Variants in NECTIN1 observed in about 807,000 individuals in gnomAD.
The protein encoded by NECTIN1 is nectin-1.
NECTIN1 carries 23 observed loss-of-function variants against 48.0 expected under a neutral mutation model. That is an observed-to-expected ratio of 0.48 (90% CI 0.34 to 0.68). The LOEUF is 0.68. Ranked by LOEUF, NECTIN1 falls within the 30% of genes least tolerant of loss-of-function variation. NECTIN1 has a pLI of 0.01. For missense variants in NECTIN1, 591 were observed against 709.9 expected (o/e 0.83, Z 1.90); for synonymous variants, 270 against 288.9 (o/e 0.93, Z 0.66).
At position 119,664,850 on chromosome 11, in the gene NECTIN1, C is replaced by G. The variant is rs767573357; in HGVS notation, c.1451G>C (p.Arg484Pro). 2 of 1,613,784 alleles carry G rather than the reference C, an allele frequency of 1.2e-6. No individual in the cohort carries two copies. The highest frequency in any genetic ancestry group is 2.7e-5 in the African/African-American group (2 of 74,900). Residue 484 changes from arginine to proline, a missense_variant, in exon 6 of 6, where the codon CGG (arginine) becomes CCG (proline). Coordinates refer to ENST00000264025, the MANE Select transcript of NECTIN1 (RefSeq NM_002855.5). Reference sequence around the variant, plus strand: ...AGGGTCGTACTGGTAGCCCAGAGTCCGGTCCCCGTAGCCGTCCTGACGGGC... The same window carrying G: ...AGGGTCGTACTGGTAGCCCAGAGTCGGGTCCCCGTAGCCGTCCTGACGGGC... Reference protein sequence around the residue: ...AEARQDGYGDRTLGYQYDPEQ... With the variant: ...AEARQDGYGDPTLGYQYDPEQ...
intron 1 of NECTIN1, among the ~76,000 whole-genome samples, chr11:119,694,989 C>T (rs1169166711): frequency 6.6e-6 from 1 of 152,132 alleles, no homozygotes; most frequent in East Asian, 1.9e-4. Context: ...TGCAACTCCA[C>T]AGGGAGGTGA....
In NECTIN1 at chr11:119,672,868, C is replaced by T. The variant is rs971679275; in HGVS notation, c.1003+2291G>A. On this transcript the variant is annotated intron_variant, in intron 5 of 5. Transcript: ENST00000264025. This position sits in a 1 kb window ranked among gnomAD's most constrained non-coding sequence, Gnocchi z 4.3. Reference sequence around the variant, plus strand: ...AGGTCCCCAAGAAGCCATGCCAAAGCGAGTCTGCGCAGGTGTGCAGTGGCC... The same window carrying T: ...AGGTCCCCAAGAAGCCATGCCAAAGTGAGTCTGCGCAGGTGTGCAGTGGCC... 2.0e-5 allele frequency among the ~76,000 whole-genome samples: 3 copies of T among 152,310 alleles called. No homozygotes were observed. Among genetic ancestry groups the T allele is most frequent in the East Asian group, 3.9e-4 (2 of 5,180 alleles).
chr11:119,708,052 G>C (rs544982182), intron 1 of NECTIN1, among the ~76,000 whole-genome samples: 2 of 152,358 alleles, frequency 1.3e-5, no homozygotes, highest in Non-Finnish European at 2.9e-5. Flanking sequence ...GATAAACGCA[G>C]TTTTTGTTTG....
intron 1 of NECTIN1, among the ~76,000 whole-genome samples, chr11:119,714,531 C>G (rs1024856330): frequency 6.6e-6 from 1 of 152,134 alleles, no homozygotes; most frequent in Admixed American, 6.5e-5. Context: ...CCCAGCCCAC[C>G]GCAGGGTGAA....
rs868656809 is a variant in NECTIN1, at chr11:119,728,407, G to A, written c.79+68C>T. The stretch of plus-strand genomic sequence containing the variant: ...CACTCCCCACAATCCAGTCGTGCCC[G>A]CCATCCGGCTCCCAGCCCCGGGGAG... On this transcript the variant is annotated intron_variant, in intron 1 of 5. Transcript: ENST00000264025. The A allele has an allele frequency of 2.1e-6, 3 of 1,446,362 alleles. No individual in the cohort carries two copies. In the South Asian group the frequency reaches 3.8e-5, roughly 18 times the overall value. The allele number at this position is 1,446,362 out of a possible 1,614,324, so 89.6% of individuals were successfully genotyped here.
In NECTIN1 at chr11:119,664,831, G is replaced by A. The variant is rs367609829; in HGVS notation, c.1470C>T (p.Tyr490=). Reference sequence around the variant, plus strand: ...CAGCCAAGTCCAGCTGCTCAGGGTCGTACTGGTAGCCCAGAGTCCGGTCCC... The same window carrying A: ...CAGCCAAGTCCAGCTGCTCAGGGTCATACTGGTAGCCCAGAGTCCGGTCCC... ...GYGDRTLGYQ[Y]DPEQLDLAEN... Residue 490 remains tyrosine (Y), a synonymous_variant, in exon 6 of 6, where the codon TAC becomes TAT. Transcript: ENST00000264025. The A allele has an allele frequency of 1.2e-4, 198 of 1,613,784 alleles. No homozygotes were observed. The highest frequency in any genetic ancestry group is 1.6e-4 in the Non-Finnish European group (185 of 1,179,920).
intron 1 of NECTIN1, among the ~76,000 whole-genome samples, chr11:119,728,031 G>A (rs1416290386): frequency 6.6e-6 from 1 of 151,590 alleles, no homozygotes; most frequent in Non-Finnish European, 1.5e-5. Flanking sequence ...AAGAGACGAA[G>A]CCCCCCCGCC....
intron 1 of NECTIN1, among the ~76,000 whole-genome samples, chr11:119,722,396 C>T (rs1375675867): frequency 6.6e-6 from 1 of 152,224 alleles, no homozygotes; most frequent in Non-Finnish European, 1.5e-5. Flanking sequence ...GATATCATCT[C>T]ACGGGGTGAG....
rs368417355 is a variant in NECTIN1 at position 119,714,573 on chromosome 11, C to A, written c.79+13902G>T. Among the ~76,000 whole-genome samples the A allele has an allele frequency of 7.0e-4, 106 of 152,282 alleles. 2 individuals carry two copies. The South Asian group carries it at 0.022, about 31-fold the overall frequency. Reference sequence around the variant, plus strand: ...CAGGCAGAGGGGAATGCTCCACATCCCCGCTGTCCCCTGCCCTGTCCTGTC... The same window carrying A: ...CAGGCAGAGGGGAATGCTCCACATCACCGCTGTCCCCTGCCCTGTCCTGTC... On this transcript the variant is annotated intron_variant, in intron 1 of 5. Coordinates refer to ENST00000264025, the MANE Select transcript of NECTIN1 (RefSeq NM_002855.5).
At chr11:119,657,906 C>T (rs12283599), downstream of NECTIN1, among the ~76,000 whole-genome samples, 564 of 109,262 alleles carry the variant, frequency 5.2e-3, 1 homozygote, top group African/African-American at 0.018. Flanking sequence ...GGGTGACAAA[C>T]CAAGACCCCG....
chr11:119,639,424 G>T, intron 6 of NECTIN1: 1 of 219,772 alleles, frequency 4.6e-6, no homozygotes, highest in Non-Finnish European at 9.1e-6. Flanking sequence ...ATTAAAATAT[G>T]ATTTATCCTG....
intron 4 of NECTIN1, among the ~76,000 whole-genome samples, chr11:119,676,423 C>T (rs1864949215): frequency 6.6e-6 from 1 of 152,214 alleles, no homozygotes; most frequent in Non-Finnish European, 1.5e-5. Flanking sequence ...AAGGCAGACT[C>T]CTTCTGGGCA....
chr11:119,711,277 C>T (rs1023647768), intron 1 of NECTIN1, among the ~76,000 whole-genome samples: 3 of 151,822 alleles, frequency 2.0e-5, no homozygotes, highest in Admixed American at 2.0e-4. Context: ...GTAATCCCAG[C>T]TACTTGGGAG....
At chr11:119,691,922 G>C (rs934634753) in intron 1 of NECTIN1, among the ~76,000 whole-genome samples, 4 of 152,148 alleles carry the variant, frequency 2.6e-5, no homozygotes, top group Admixed American at 2.6e-4. Flanking sequence ...AAAATGCTGA[G>C]GGGAGCACAT....
chr11:119,682,414 C>T (rs1865075869), intron 1 of NECTIN1, among the ~76,000 whole-genome samples: 3 of 152,208 alleles, frequency 2.0e-5, no homozygotes, highest in Admixed American at 2.0e-4. Context: ...TCTCCAGACA[C>T]TGCAGCCTTG....
chr11:119,640,472 A>C (rs555772064), intron 5 of NECTIN1: 106 of 196,938 alleles, frequency 5.4e-4, no homozygotes, highest in African/African-American at 2.4e-3. Context: ...AGGGAAAGGC[A>C]GGAGCTGGGA....
intron 6 of NECTIN1, chr11:119,639,796 T>C (rs1864297449): frequency 3.7e-6 from 6 of 1,607,056 alleles, no homozygotes; most frequent in East Asian, 4.5e-5. Context: ...GTGCTTTAAG[T>C]CTGGGGCTCC....
At chr11:119,711,793 T>C (rs1865652334) in intron 1 of NECTIN1, among the ~76,000 whole-genome samples, 1 of 152,064 alleles carries the variant, frequency 6.6e-6, no homozygotes, top group Admixed American at 6.6e-5. Flanking sequence ...AAAGCAGTTT[T>C]GGAAAAAGAG....
intron 5 of NECTIN1, among the ~76,000 whole-genome samples, chr11:119,666,883 C>G (rs897670938): frequency 6.6e-6 from 1 of 152,090 alleles, no homozygotes; most frequent in Non-Finnish European, 1.5e-5. Context: ...GGAATTTGGG[C>G]GGGAAGGGCT....
Sources: allele counts gnomAD v4.1 joint callset (sites outside exome capture counted in the v4.1 genomes callset), GRCh38; gene constraint gnomAD v4.1.1; non-coding constraint Gnocchi (gnomAD v3.1); transcripts MANE v1.5; gene names NCBI Gene and HGNC (gene_info 2026-07-23, HGNC 2026-07-21).